The following CWC22 variants were observed in gnomAD, a reference collection of about 807,000 sequenced individuals.
The protein encoded by CWC22 is pre-mRNA-splicing factor CWC22 homolog.
In CWC22, 53 loss-of-function variants were observed where a neutral mutation model predicts 117.2. The observed-to-expected ratio is 0.45, with a 90% CI of 0.36 to 0.57. The LOEUF (loss-of-function observed/expected upper bound fraction) is 0.57. CWC22 is among the 20% of genes least tolerant of loss of function. The pLI is 0.00. For synonymous variants in CWC22, 360 were observed against 355.6 expected (o/e 1.01, Z -0.14); for missense variants, 980 against 1,068.8 (o/e 0.92, Z 1.16).
At chr2:180,004,368 G>A (rs1461419948) in intron 1 of CWC22, among the ~76,000 whole-genome samples, 1 of 152,124 alleles carries the variant, frequency 6.6e-6, no homozygotes, top group South Asian at 2.1e-4. Flanking sequence ...CACTGGGAAG[G>A]AGAGTTAACT....
chr2:179,978,080 G>T, intron 6 of CWC22, 110 bp downstream of exon 6: 1 of 1,180,442 alleles, frequency 8.5e-7, no homozygotes, highest in Non-Finnish European at 1.1e-6. Context: ...TATTCTCAAT[G>T]ACCTTTGAAA....
intron 1 of CWC22, among the ~76,000 whole-genome samples, chr2:179,997,019 G>A (rs1687721621): frequency 6.6e-6 from 1 of 152,068 alleles, no homozygotes; most frequent in Non-Finnish European, 1.5e-5. Context: ...GATGCTAGAT[G>A]GAAACTGTTT....
chr2:179,964,420 G>C (rs1320178462), intron 13 of CWC22, 127 bp downstream of exon 13: 2 of 538,230 alleles, frequency 3.7e-6, no homozygotes, highest in African/African-American at 1.9e-5. Context: ...TGGGATGGGG[G>C]AGAGAGTCTA....
In CWC22 at chr2:179,981,825, TAAG is replaced by T. The variant is rs1389981825; in HGVS notation, c.376_378del (p.Leu126del). Reference sequence around the variant, plus strand: ...GGAATATATGCTCCACCAGTGCGAGTAAGAAGAGGATCCAGCTCATCTTTCTTT... The same window carrying T: ...GGAATATATGCTCCACCAGTGCGAGTAAGAGGATCCAGCTCATCTTTCTTT... On this transcript the variant is annotated inframe_deletion, in exon 5 of 20. Coordinates refer to ENST00000410053, the MANE Select transcript of CWC22 (RefSeq NM_020943.3). 2 of 1,613,778 alleles carry T rather than the reference TAAG, an allele frequency of 1.2e-6. No individual in the cohort carries two copies. The highest frequency in any genetic ancestry group is 2.2e-5 in the East Asian group (1 of 44,874).
At chr2:179,967,244 A>C (rs1477011915) in intron 11 of CWC22, among the ~76,000 whole-genome samples, 2 of 152,232 alleles carry the variant, frequency 1.3e-5, no homozygotes, top group Non-Finnish European at 2.9e-5. Context: ...CAGCTCTAGA[A>C]GAATGTTTTA....
chr2:179,989,421 C>T (rs939835437), intron 2 of CWC22, among the ~76,000 whole-genome samples: 18 of 151,976 alleles, frequency 1.2e-4, no homozygotes, highest in Non-Finnish European at 2.5e-4. Flanking sequence ...CTTATGAAAA[C>T]CACAACTTTA....
chr2:179,994,990 C>T (rs1387424593), intron 1 of CWC22, among the ~76,000 whole-genome samples: 2 of 152,088 alleles, frequency 1.3e-5, no homozygotes, highest in Non-Finnish European at 2.9e-5. Context: ...TGGTGGCGGG[C>T]GCCTGTAGTC....
chr2:179,978,909 G>A (rs1471280089), intron 5 of CWC22, among the ~76,000 whole-genome samples: 1 of 152,170 alleles, frequency 6.6e-6, no homozygotes, highest in African/African-American at 2.4e-5. Flanking sequence ...TGTTGATGTA[G>A]TAGTCCTACA....
chr2:179,982,885 TTG>T (rs2105542705), intron 4 of CWC22, among the ~76,000 whole-genome samples: 1 of 152,296 alleles, frequency 6.6e-6, no homozygotes, highest in South Asian at 2.1e-4. Context: ...ATCATTCTGT[TTG>T]TGTTTTGGGT....
At chr2:179,992,474 A>G (rs1446419967) in intron 2 of CWC22, among the ~76,000 whole-genome samples, 1 of 152,160 alleles carries the variant, frequency 6.6e-6, no homozygotes, top group Non-Finnish European at 1.5e-5. Flanking sequence ...TCAAATGGCT[A>G]TCTTTTCAAT....
At chr2:180,001,757 T>C (rs2105566267) in intron 1 of CWC22, among the ~76,000 whole-genome samples, 1 of 152,352 alleles carries the variant, frequency 6.6e-6, no homozygotes, top group South Asian at 2.1e-4. Flanking sequence ...GCAGCTTCCT[T>C]CTTTTATGGG....
At chr2:179,957,868 A>G (rs530860276) in intron 14 of CWC22, among the ~76,000 whole-genome samples, 5 of 152,114 alleles carry the variant, frequency 3.3e-5, no homozygotes, top group East Asian at 3.9e-4. Flanking sequence ...AGAAAGAGCA[A>G]CTTTATCTAC....
At chr2:179,966,670 C>T (rs1273796527) in intron 11 of CWC22, among the ~76,000 whole-genome samples, 3 of 152,130 alleles carry the variant, frequency 2.0e-5, no homozygotes, top group African/African-American at 7.2e-5. Context: ...TATGAGACTA[C>T]ATAAGGCCAG....
Position 179,945,130 on chromosome 2 carries a change from T to C in CWC22, c.2726A>G (p.Ter909=). The change falls in exon 20 of 20, where the codon TAA becomes TGA. Residue 909 remains the stop codon, a stop_retained_variant. Coordinates refer to ENST00000410053, the MANE Select transcript of CWC22 (RefSeq NM_020943.3). The part of the protein sequence containing the change: ...RREKSPAKQK[*] ...TCCAGTTTATGTCATTTTGTAGAAT[T>C]ATTTTTGTTTTGCTGGAGACTTTTC... is the stretch of plus-strand genomic sequence containing the variant. The C allele has an allele frequency of 1.3e-6, 2 of 1,582,988 alleles. No homozygotes were observed. The highest frequency in any genetic ancestry group is 1.7e-6 in the Non-Finnish European group (2 of 1,169,002).
At chr2:179,945,951 C>T (rs1002244652) in intron 19 of CWC22, among the ~76,000 whole-genome samples, 4 of 152,072 alleles carry the variant, frequency 2.6e-5, no homozygotes, top group Admixed American at 6.6e-5. Flanking sequence ...GGCGCAATCT[C>T]GGCTCACTGC....
intron 11 of CWC22, among the ~76,000 whole-genome samples, chr2:179,967,940 A>T (rs1188961986): frequency 2.0e-5 from 3 of 152,186 alleles, no homozygotes. Flanking sequence ...AACTAACAAT[A>T]TCTGCGATGA....
intron 13 of CWC22, among the ~76,000 whole-genome samples, chr2:179,961,854 T>G (rs1686760664): frequency 6.6e-6 from 1 of 152,078 alleles, no homozygotes; most frequent in Non-Finnish European, 1.5e-5. Context: ...GTTCTCATCT[T>G]AGGTTGCTAA....
chr2:179,961,034 T>G (rs1159160174), intron 13 of CWC22, among the ~76,000 whole-genome samples: 1 of 152,016 alleles, frequency 6.6e-6, no homozygotes, highest in Non-Finnish European at 1.5e-5. Context: ...TAGTGCTTAA[T>G]CACTACTTTT....
intron 11 of CWC22, among the ~76,000 whole-genome samples, chr2:179,968,147 C>T (rs1008432161): frequency 7.2e-5 from 11 of 152,128 alleles, no homozygotes; most frequent in Non-Finnish European, 1.0e-4. Context: ...CATAACTCAG[C>T]GAATTAGTAT....
Sources: gnomAD v4.1 joint callset for allele counts (sites outside exome capture counted in the v4.1 genomes callset) on GRCh38, gnomAD v4.1.1 for gene constraint, MANE v1.5 for transcripts, NCBI Gene and HGNC (gene_info 2026-07-23, HGNC 2026-07-21) for gene names.